Variants in CASZ1 observed in about 807,000 individuals in gnomAD.
CASZ1 encodes the protein castor zinc finger 1, also known as zinc finger protein castor homolog 1.
A neutral mutation model predicts 135.2 loss-of-function variants in CASZ1; 28 were observed. That is an observed-to-expected ratio of 0.21 (90% CI 0.15 to 0.28). The LOEUF is 0.28. CASZ1 is among the 10% of genes least tolerant of loss of function. The probability of loss-of-function intolerance (pLI) is 1.00; values close to 1 mark genes in which losing one functional copy is unlikely to be tolerated. For synonymous variants in CASZ1, 1,068 were observed against 1,073.4 expected (o/e 0.99, Z 0.10); for missense variants, 2,161 against 2,453.3 (o/e 0.88, Z 2.52).
chr1:10,743,701 G>A (rs1248896129), intron 2 of CASZ1, among the ~76,000 whole-genome samples: 6 of 150,674 alleles, frequency 4.0e-5, no homozygotes. Context: ...AAGAGGGAAA[G>A]GGAGAAAAAA....
In CASZ1 at chr1:10,756,360, A is replaced by G. The variant is rs961791959; in HGVS notation, c.-77+4341T>C. Among the ~76,000 whole-genome samples, 20 of 151,526 alleles carry G rather than the reference A, an allele frequency of 1.3e-4. No individual in the cohort carries two copies. The highest frequency in any genetic ancestry group is 1.3e-3 in the Admixed American group (20 of 15,254). On this transcript the variant is annotated intron_variant, in intron 2 of 20. Transcript: ENST00000377022. This position sits in a 1 kb window ranked among gnomAD's most constrained non-coding sequence, Gnocchi z 5.9. ...CCCTCCCTTCCTGTCACCTCCATGG[A>G]GGTCAGGTCTCCAGAGTGTTCCTGG... is the stretch of plus-strand genomic sequence containing the variant.
rs1316135689 is a variant in CASZ1 at position 10,794,289 on chromosome 1, G to A, written c.-234+2275C>T. Among the ~76,000 whole-genome samples, 3 of 152,046 alleles carry A rather than the reference G, an allele frequency of 2.0e-5. No individual in the cohort carries two copies. The highest frequency in any genetic ancestry group is 4.4e-5 in the Non-Finnish European group (3 of 68,002). The stretch of plus-strand genomic sequence containing the variant: ...GTCCCCTCGTGCGCTCTCACCGCGC[G>A]CCTGTACCAGCTCGGAGACGTCCTA... On this transcript the variant is annotated intron_variant, in intron 1 of 20. Coordinates refer to ENST00000377022, the MANE Select transcript of CASZ1 (RefSeq NM_001079843.3). This position sits in a 1 kb window ranked among gnomAD's most constrained non-coding sequence, Gnocchi z 5.6.
chr1:10,661,602 C>G (rs1257294595), intron 5 of CASZ1, among the ~76,000 whole-genome samples: 1 of 149,918 alleles, frequency 6.7e-6, no homozygotes, highest in South Asian at 2.1e-4. Flanking sequence ...CCAACACGGT[C>G]ACATTCACAC....
At chr1:10,644,872 T>C in intron 18 of CASZ1, 45 bp downstream of exon 18, 1 of 1,579,610 alleles carries the variant, frequency 6.3e-7, no homozygotes, top group Non-Finnish European at 8.6e-7. Context: ...GCCATGGTCT[T>C]GATGCCTGCT....
intron 1 of CASZ1, among the ~76,000 whole-genome samples, chr1:10,795,655 C>A (rs1309958166): frequency 1.3e-5 from 2 of 152,216 alleles, no homozygotes; most frequent in African/African-American, 4.8e-5. Context: ...AGCTCTGGGC[C>A]GATGCCCCGG....
chr1:10,754,191 C>T (rs984050639), intron 2 of CASZ1, among the ~76,000 whole-genome samples: 4 of 152,214 alleles, frequency 2.6e-5, no homozygotes, highest in Admixed American at 1.3e-4. Flanking sequence ...ACAAACCATC[C>T]ATCCACCTGC....
intron 4 of CASZ1, among the ~76,000 whole-genome samples, chr1:10,680,127 A>G (rs2100354919): frequency 6.6e-6 from 1 of 152,232 alleles, no homozygotes; most frequent in East Asian, 1.9e-4. Flanking sequence ...CAGGGAACCA[A>G]TGTGAAGGTG....
chr1:10,744,055 G>A (rs137952110), intron 2 of CASZ1, among the ~76,000 whole-genome samples: 1,542 of 152,060 alleles, frequency 0.01, 11 homozygotes, highest in Admixed American at 0.019. Flanking sequence ...TTGGAAACTC[G>A]GGCACTCTCT....
At chr1:10,783,898 C>T (rs1230659902) in intron 1 of CASZ1, among the ~76,000 whole-genome samples, 1 of 138,126 alleles carries the variant, frequency 7.2e-6, no homozygotes, top group African/African-American at 2.7e-5. Flanking sequence ...AAAAAACCTA[C>T]AATTATAATC....
chr1:10,645,496 C>G (rs1642341239), intron 17 of CASZ1, among the ~76,000 whole-genome samples: 1 of 152,230 alleles, frequency 6.6e-6, no homozygotes. Context: ...TGCCACTGCA[C>G]TCCAGCCTGG....
rs1386331680 is a variant in CASZ1, at chr1:10,654,494, C to T, written c.1763G>A (p.Arg588His). The stretch of plus-strand genomic sequence containing the variant: ...GCCACAGTCTTCGGTGGCTCGGAAG[C>T]GCTGGAAGCCGTCGTTAATGAGCTG... ...NTQLINDGFQ[R>H]FRATEDCGTA... Residue 588 changes from arginine (R) to histidine (H), a missense_variant, in exon 10 of 21, where the codon CGC becomes CAC. Transcript: ENST00000377022. 1.9e-6 allele frequency: 3 copies of T among 1,614,214 alleles called. No individual in the cohort carries two copies. Among genetic ancestry groups the T allele is most frequent in the Non-Finnish European group, 1.7e-6 (2 of 1,180,044 alleles).
chr1:10,714,019 A>C lies in CASZ1; in HGVS notation c.-76-8475T>G, dbSNP rs142281546. 1.3e-4 allele frequency among the ~76,000 whole-genome samples: 20 copies of C among 152,332 alleles called. No individual in the cohort carries two copies. In the East Asian group the frequency reaches 3.5e-3, roughly 26 times the overall value. ...ATAAGAAAATGAAGGTTAAGAAACA[A>C]GCTCTTGCCAGGCGTGGTGGCTCAC... is the stretch of plus-strand genomic sequence containing the variant. On this transcript the variant is annotated intron_variant, in intron 2 of 20. Coordinates refer to ENST00000377022, the MANE Select transcript of CASZ1 (RefSeq NM_001079843.3).
At position 10,724,916 on chromosome 1, in the gene CASZ1, T is replaced by G. The variant is rs1639569335; in HGVS notation, c.-76-19372A>C. ...CTGAAGTTTCCTTGTGGTTTGAATT[T>G]AATTTTGATTTTCTCAACTTCAGCA... On this transcript the variant is annotated intron_variant, in intron 2 of 20. Coordinates refer to ENST00000377022, the MANE Select transcript of CASZ1 (RefSeq NM_001079843.3). This position sits in a 1 kb window ranked among gnomAD's most constrained non-coding sequence, Gnocchi z 4.1. Among the ~76,000 whole-genome samples, 1 of 152,272 alleles carries G rather than the reference T, an allele frequency of 6.6e-6. No individual in the cohort carries two copies. The highest frequency in any genetic ancestry group is 1.5e-5 in the Non-Finnish European group (1 of 68,054).
intron 13 of CASZ1, 31 bp from the exon 14 acceptor site, chr1:10,649,468 G>A (rs1299626978): frequency 6.3e-7 from 1 of 1,581,506 alleles, no homozygotes; most frequent in Non-Finnish European, 8.6e-7. Context: ...GCATGGGGCT[G>A]GGGTAGCTTA....
intron 4 of CASZ1, among the ~76,000 whole-genome samples, chr1:10,687,468 G>A (rs1268031263): frequency 6.6e-6 from 1 of 152,238 alleles, no homozygotes; most frequent in African/African-American, 2.4e-5. Context: ...CAGATGCCCC[G>A]GCCAGGAGTG....
rs1642097691 is a variant in CASZ1 at position 10,639,086 on chromosome 1, G to T, written c.5136C>A (p.Asp1712Glu). 1 of 1,048,816 alleles carries T rather than the reference G, an allele frequency of 9.5e-7. No homozygotes were observed. The allele number at this position is 1,048,816 out of a possible 1,614,324, so 65.0% of individuals were successfully genotyped here. The stretch of plus-strand genomic sequence containing the variant: ...CCTCCGAGTCGGTGCGCAGGTCCTC[G>T]TCGTCGTCGTCCTCGTCGTCGTCCT... Reference protein sequence around the residue: ...DDEDDDEDDDDEDLRTDSEES... With the variant: ...DDEDDDEDDDEEDLRTDSEES... The change falls in exon 21 of 21, where the codon GAC (aspartate) becomes GAA (glutamate). Residue 1712 changes from aspartate to glutamate, a missense_variant. Transcript: ENST00000377022. The surrounding 1 kb of genome is among the most constrained non-coding windows in gnomAD (Gnocchi z 4.0).
intron 1 of CASZ1, among the ~76,000 whole-genome samples, chr1:10,784,701 C>A (rs1640824299): frequency 6.6e-6 from 1 of 152,112 alleles, no homozygotes; most frequent in Non-Finnish European, 1.5e-5. Context: ...GTAGCTGGGA[C>A]TACAGGCTTC....
chr1:10,703,443 G>A (rs181155518), intron 3 of CASZ1, among the ~76,000 whole-genome samples: 58 of 152,126 alleles, frequency 3.8e-4, no homozygotes, highest in Non-Finnish European at 5.7e-4. Flanking sequence ...AGCAGCTCCC[G>A]ATAACTCAAC....
intron 2 of CASZ1, among the ~76,000 whole-genome samples, chr1:10,723,631 C>T (rs1334486459): frequency 6.6e-6 from 1 of 152,200 alleles, no homozygotes; most frequent in African/African-American, 2.4e-5. Flanking sequence ...TTTGCAGGTG[C>T]CTTTCTCATG....
Sources: gnomAD v4.1 joint callset for allele counts (sites outside exome capture counted in the v4.1 genomes callset) on GRCh38, gnomAD v4.1.1 for gene constraint, Gnocchi (gnomAD v3.1) non-coding constraint, MANE v1.5 for transcripts, NCBI Gene and HGNC (gene_info 2026-07-23, HGNC 2026-07-21) for gene names.